The following ADAP2 variants were observed in gnomAD, a reference collection of about 807,000 sequenced individuals.
ADAP2 encodes ArfGAP with dual PH domains 2, also known as arf-GAP with dual PH domain-containing protein 2.
In ADAP2, 42 loss-of-function variants were observed where a neutral mutation model predicts 54.9. The observed-to-expected ratio is 0.77, with a 90% confidence interval of 0.60 to 0.99. ADAP2 has a LOEUF of 0.99. Among genes scored for constraint, ADAP2 ranks in the 50% least tolerant of loss-of-function variants. The pLI is 0.00. For synonymous variants in ADAP2, 177 were observed against 180.1 expected (o/e 0.98, Z 0.14); for missense variants, 429 against 480.4 (o/e 0.89, Z 1.00).
At chr17:30,934,346 C>G in intron 5 of ADAP2, 49 bp downstream of exon 5, 1 of 1,272,020 alleles carries the variant, frequency 7.9e-7, no homozygotes, top group Non-Finnish European at 1.1e-6. Context: ...GCACTCTCAC[C>G]CGACTAAGGT....
chr17:30,944,216 A>G (rs146455517), intron 5 of ADAP2, among the ~76,000 whole-genome samples: 278 of 152,290 alleles, frequency 1.8e-3, no homozygotes, highest in African/African-American at 6.0e-3. Flanking sequence ...AAAGAATGAG[A>G]TCATGTTCTC....
intron 9 of ADAP2, among the ~76,000 whole-genome samples, chr17:30,955,957 G>A (rs772352498): frequency 4.6e-5 from 7 of 151,946 alleles, no homozygotes; most frequent in African/African-American, 1.2e-4. Flanking sequence ...ATGTTGTCCC[G>A]GTTGGTCTCA....
At chr17:30,949,659 G>C (rs927455884) in intron 7 of ADAP2, among the ~76,000 whole-genome samples, 3 of 148,902 alleles carry the variant, frequency 2.0e-5, no homozygotes, top group Admixed American at 6.7e-5. Flanking sequence ...TGAGGCAGGA[G>C]AATGGTGTTA....
At chr17:30,956,131 A>C (rs1444167248) in intron 9 of ADAP2, 110 bp from the exon 10 acceptor site, 1 of 863,010 alleles carries the variant, frequency 1.2e-6, no homozygotes, top group Non-Finnish European at 1.8e-6. Flanking sequence ...CAGAAATCCC[A>C]GCAGGGACCT....
At chr17:30,943,713 G>A (rs923463660) in intron 5 of ADAP2, among the ~76,000 whole-genome samples, 7 of 152,172 alleles carry the variant, frequency 4.6e-5, no homozygotes, top group African/African-American at 7.2e-5. Context: ...CAGGCATGGC[G>A]GCACGTGTCT....
intron 5 of ADAP2, among the ~76,000 whole-genome samples, chr17:30,936,163 TA>T (rs1291391208): frequency 2.0e-5 from 3 of 152,130 alleles, no homozygotes; most frequent in African/African-American, 4.8e-5. Context: ...TTATCTTATT[TA>T]TTTTTTTAGA....
At chr17:30,944,420 T>C (rs1912499731) in intron 5 of ADAP2, among the ~76,000 whole-genome samples, 1 of 152,016 alleles carries the variant, frequency 6.6e-6, no homozygotes, top group South Asian at 2.1e-4. Context: ...GTGGATCACC[T>C]GAGGTCAGGA....
intron 9 of ADAP2, 24 bp downstream of exon 9, chr17:30,954,579 C>T: frequency 6.3e-7 from 1 of 1,596,022 alleles, no homozygotes; most frequent in Non-Finnish European, 8.6e-7. Flanking sequence ...CTGCTCCCTC[C>T]CCAGGGCTTC....
At chr17:30,932,057 C>A in intron 4 of ADAP2, 89 bp downstream of exon 4, 2 of 1,219,192 alleles carry the variant, frequency 1.6e-6, no homozygotes, top group Middle Eastern at 2.1e-4. Context: ...AAGATCCATC[C>A]AAGAGATGCC....
intron 5 of ADAP2, among the ~76,000 whole-genome samples, chr17:30,936,515 A>G (rs1317386373): frequency 1.3e-5 from 2 of 152,078 alleles, no homozygotes; most frequent in Non-Finnish European, 2.9e-5. Flanking sequence ...GTCGTATCTC[A>G]TTGTGGTTTT....
intron 5 of ADAP2, among the ~76,000 whole-genome samples, chr17:30,938,233 T>C (rs1195478528): frequency 1.3e-5 from 2 of 152,210 alleles, no homozygotes; most frequent in Non-Finnish European, 2.9e-5. Flanking sequence ...TCTGCTGCCC[T>C]TAGCTGGCCA....
chr17:30,953,447 T>C, intron 8 of ADAP2, 97 bp downstream of exon 8: 1 of 1,346,076 alleles, frequency 7.4e-7, no homozygotes, highest in South Asian at 1.3e-5. Flanking sequence ...CAGTGAAAGG[T>C]GTTAGGCCAA....
At chr17:30,933,613 T>C (rs186054707) in intron 4 of ADAP2, among the ~76,000 whole-genome samples, 1 of 151,920 alleles carries the variant, frequency 6.6e-6, no homozygotes, top group South Asian at 2.1e-4. Flanking sequence ...GATTCTCCTG[T>C]CTCAGCCTCC....
chr17:30,928,280 G>A (rs1040848810), intron 3 of ADAP2, among the ~76,000 whole-genome samples: 1 of 149,934 alleles, frequency 6.7e-6, no homozygotes, highest in East Asian at 2.0e-4. Context: ...CGGATCACTC[G>A]AGGCCAGGAG....
intron 6 of ADAP2, among the ~76,000 whole-genome samples, chr17:30,946,162 C>CAA (rs200632165): frequency 6.6e-6 from 1 of 150,708 alleles, no homozygotes; most frequent in African/African-American, 2.4e-5. Context: ...CTCAAAAAAA[C>CAA]AAAAAAAACA....
Position 30,957,904 on chromosome 17 carries a change from C to G in ADAP2, c.*35C>G, listed in dbSNP as rs745713135. 1 of 1,606,546 alleles carries G rather than the reference C, an allele frequency of 6.2e-7. No individual in the cohort carries two copies. Among genetic ancestry groups the G allele is most frequent in the Non-Finnish European group, 8.5e-7 (1 of 1,175,424 alleles). ...TGAGGAACTGGCTGCCACTGAACACCTGGAACTCCTTGTGGGAAGAAGTTT... is the reference window on the plus strand; with the variant it reads ...TGAGGAACTGGCTGCCACTGAACACGTGGAACTCCTTGTGGGAAGAAGTTT... On this transcript the variant is annotated 3_prime_UTR_variant, in exon 11 of 11. Coordinates refer to ENST00000330889, the MANE Select transcript of ADAP2 (RefSeq NM_018404.3).
intron 3 of ADAP2, 44 bp from the exon 4 acceptor site, chr17:30,931,841 AAAAG>A: frequency 2.0e-6 from 3 of 1,466,200 alleles, no homozygotes; most frequent in Non-Finnish European, 2.8e-6. Context: ...AAAAAAAAAA[AAAAG>A]AGAATGCATC....
chr17:30,933,233 G>C (rs1018825260), intron 4 of ADAP2, among the ~76,000 whole-genome samples: 1 of 152,150 alleles, frequency 6.6e-6, no homozygotes, highest in African/African-American at 2.4e-5. Flanking sequence ...TGTTACCCAG[G>C]CTGGAGTGCA....
intron 7 of ADAP2, among the ~76,000 whole-genome samples, chr17:30,949,759 A>AAG (rs1244026352): frequency 1.3e-5 from 2 of 151,358 alleles, no homozygotes; most frequent in African/African-American, 4.9e-5. Context: ...AAAAAAAAAA[A>AAG]AAAAAAAAAA....
Sources: gnomAD v4.1 joint callset for allele counts (sites outside exome capture counted in the v4.1 genomes callset) on GRCh38, gnomAD v4.1.1 for gene constraint, MANE v1.5 for transcripts, NCBI Gene and HGNC (gene_info 2026-07-23, HGNC 2026-07-21) for gene names.